Variants in CSTF2 observed in about 807,000 individuals in gnomAD.
CSTF2 encodes the protein CF-1 64 kDa subunit.
A neutral mutation model predicts 45.4 loss-of-function variants in CSTF2; 8 were observed. The ratio of observed to expected loss-of-function variants is 0.18; its 90% CI spans 0.10 to 0.32. CSTF2 has a LOEUF of 0.32. CSTF2 is among the 10% of genes least tolerant of loss of function. The pLI is 1.00. For missense variants in CSTF2, 253 were observed against 477.1 expected (o/e 0.53, Z 4.38); for synonymous variants, 155 against 158.9 (o/e 0.98, Z 0.18).
intron 6 of CSTF2, 132 bp from the exon 7 acceptor site, chrX:100,826,502 C>A: frequency 1.8e-6 from 1 of 551,547 alleles, no homozygotes; most frequent in Non-Finnish European, 2.9e-6. Flanking sequence ...CTGCATAAGA[C>A]ATGCCATACA....
In CSTF2 at chrX:100,834,348, G is replaced by A. The variant is rs910440734; in HGVS notation, c.1500+876G>A. ...ATACATCAATCATCTAATTCCCTCA[G>A]TTTATAGATTTGGAAATTAAGGCCC... On this transcript the variant is annotated intron_variant, in intron 11 of 13. Transcript: ENST00000372972. Among the ~76,000 whole-genome samples the A allele has an allele frequency of 2.7e-5, 3 of 111,537 alleles. No individual in the cohort carries two copies. In the South Asian group the frequency reaches 1.1e-3, roughly 42 times the overall value.
chrX:100,820,401 C>T lies in CSTF2; in HGVS notation c.-16C>T. ...GAAGTGTGCTTTGGCGCACCGGAAG[C>T]CGACTCAACAGAGCTATGGCGGGTT... On this transcript the variant is annotated 5_prime_UTR_variant, in exon 1 of 14. Transcript: ENST00000372972. 8.3e-7 allele frequency: 1 copy of T among 1,210,834 alleles called. No homozygotes were observed.
intron 13 of CSTF2, among the ~76,000 whole-genome samples, chrX:100,838,649 G>A (rs188516894): frequency 1.8e-5 from 2 of 111,803 alleles, no homozygotes; most frequent in East Asian, 5.6e-4. Context: ...AAGGTAAAAA[G>A]CCCTGTTTCC....
At chrX:100,825,178 G>A (rs1157487353) in intron 6 of CSTF2, among the ~76,000 whole-genome samples, 1 of 112,105 alleles carries the variant, frequency 8.9e-6, no homozygotes, top group East Asian at 2.8e-4. Flanking sequence ...CGTCTTAGTG[G>A]TCATCAAAGG....
Position 100,824,229 on chromosome X carries a change from A to ATCCTCAGGC in CSTF2, c.675_683dup (p.Pro229_Ala231dup). The ATCCTCAGGC allele has an allele frequency of 8.3e-7, 1 of 1,211,545 alleles. No individual in the cohort carries two copies. The highest frequency in any genetic ancestry group is 1.1e-6 in the Non-Finnish European group (1 of 895,332). On this transcript the variant is annotated inframe_insertion, in exon 6 of 14. Transcript: ENST00000372972. ...TCCAATGTGTCAATGAACCAGCAGAATCCTCAGGCCCCTCAGGCCCAGTCT... is the reference window on the plus strand; with the variant it reads ...TCCAATGTGTCAATGAACCAGCAGAATCCTCAGGCTCCTCAGGCCCCTCAGGCCCAGTCT...
chrX:100,830,797 T>C, intron 8 of CSTF2: 4 of 1,149,378 alleles, frequency 3.5e-6, no homozygotes, highest in Non-Finnish European at 4.6e-6. Context: ...TTGAACTTAC[T>C]GCTTACCTAG....
Position 100,820,444 on chromosome X carries a change from G to A in CSTF2, c.28G>A (p.Ala10Thr). The A allele has an allele frequency of 6.6e-6, 8 of 1,212,020 alleles. No homozygotes were observed. The highest frequency in any genetic ancestry group is 8.9e-6 in the Non-Finnish European group (8 of 895,393). MAGLTVRDP[A>T]VDRSLRSVFV... ...GGCGGGTTTGACTGTGAGAGACCCA[G>A]CGGTGGATCGTTCTCTACGTTCTGT... is the stretch of plus-strand genomic sequence containing the variant. Residue 10 changes from alanine (A) to threonine (T), a missense_variant, in exon 1 of 14, where the codon GCG becomes ACG. Physicochemically the swap from Ala to Thr is moderately conservative, Grantham distance 58 (BLOSUM62 0). Around this residue, in one of 3 missense-constraint regions of CSTF2, gnomAD observed 45 missense variants for 147.5 expected, o/e 0.31. Transcript: ENST00000372972.
intron 5 of CSTF2, 33 bp downstream of exon 5, chrX:100,824,038 C>T (rs767973457): frequency 1.2e-5 from 15 of 1,207,867 alleles, no homozygotes; most frequent in South Asian, 3.6e-5. Context: ...TGGAAATGGT[C>T]GGGTAAACCT....
chrX:100,828,216 T>C, intron 8 of CSTF2, 114 bp downstream of exon 8: 1 of 548,069 alleles, frequency 1.8e-6, no homozygotes, highest in East Asian at 4.1e-5. Context: ...ATTAAGTTAA[T>C]TAAAATTAAG....
Position 100,831,613 on chromosome X carries a change from C to T in CSTF2, c.988C>T (p.Arg330Trp). 1 of 1,210,936 alleles carries T rather than the reference C, an allele frequency of 8.3e-7. No homozygotes were observed. Among genetic ancestry groups the T allele is most frequent in the Non-Finnish European group, 1.1e-6 (1 of 894,887 alleles). The stretch of plus-strand genomic sequence containing the variant: ...GTTAGGAGATGCTCCGAATGATCCA[C>T]GGGGAGGCACTTTACTTTCTGTAAC... ...GLLGDAPNDP[R>W]GGTLLSVTGE... The change falls in exon 9 of 14, where the codon CGG (arginine) becomes TGG (tryptophan). Residue 330 changes from arginine to tryptophan, a missense_variant. By Grantham distance (101) the Arg-to-Trp change is moderately radical (BLOSUM62 -3). This residue lies in a region of CSTF2 where 200 missense variants were observed against 294.0 expected (regional missense o/e 0.68). Transcript: ENST00000372972.
chrX:100,827,602 A>T (rs2084952114), intron 7 of CSTF2, among the ~76,000 whole-genome samples: 1 of 112,356 alleles, frequency 8.9e-6, no homozygotes, highest in Admixed American at 9.4e-5. Context: ...AGCTAAGTTG[A>T]TGAGGAATGG....
intron 13 of CSTF2, among the ~76,000 whole-genome samples, chrX:100,839,428 TA>T (rs1175045267): frequency 1.8e-5 from 2 of 111,404 alleles, no homozygotes; most frequent in Non-Finnish European, 3.8e-5. Context: ...CACTATCAGG[TA>T]GGACAGCACA....
intron 3 of CSTF2, 70 bp downstream of exon 3, chrX:100,822,490 G>T: frequency 9.3e-7 from 1 of 1,080,959 alleles, no homozygotes. Context: ...TTCCATTTCT[G>T]ATATGTTTTA....
chrX:100,836,439 T>C (rs1263510758), intron 11 of CSTF2, among the ~76,000 whole-genome samples: 2 of 112,035 alleles, frequency 1.8e-5, no homozygotes, highest in Non-Finnish European at 3.8e-5. Context: ...TCCTAACAGT[T>C]ATTTATCCGT....
chrX:100,826,686 G>T lies in CSTF2; in HGVS notation c.755G>T (p.Gly252Val). The change falls in exon 7 of 14, where the codon GGT becomes GTT. Residue 252 changes from glycine to valine, a missense_variant. Physicochemically the swap from Gly to Val is moderately radical, Grantham distance 109. Around this residue, in one of 3 missense-constraint regions of CSTF2, gnomAD observed 200 missense variants for 294.0 expected, o/e 0.68. Coordinates refer to ENST00000372972, the MANE Select transcript of CSTF2 (RefSeq NM_001325.3). ...CCTCTGATGCAAGCTTCTATGCAGG[G>T]TGGAGTTCCAGCACCAGGGCAAATG... ...APPLMQASMQ[G>V]GVPAPGQMPA... 8.3e-7 allele frequency: 1 copy of T among 1,210,367 alleles called. No homozygotes were observed. The highest frequency in any genetic ancestry group is 1.1e-6 in the Non-Finnish European group (1 of 894,602).
At position 100,823,901 on chromosome X, in the gene CSTF2, A is replaced by C; in HGVS notation, c.460A>C (p.Ser154Arg). ...ATCTTCTCAGCTCTGTGTCCAGAAT[A>C]GTCCCCAGGAGGCACGGAACATGTT... ...MKQMKLCVQN[S>R]PQEARNMLLQ... The change falls in exon 5 of 14, where the codon AGT becomes CGT. Residue 154 changes from serine (S) to arginine (R), a missense_variant. By Grantham distance (110) the Ser-to-Arg change is moderately radical (BLOSUM62 -1). Around this residue, in one of 3 missense-constraint regions of CSTF2, gnomAD observed 45 missense variants for 147.5 expected, o/e 0.31. Coordinates refer to ENST00000372972, the MANE Select transcript of CSTF2 (RefSeq NM_001325.3). 1 of 1,211,019 alleles carries C rather than the reference A, an allele frequency of 8.3e-7. No homozygotes were observed. The highest frequency in any genetic ancestry group is 1.1e-6 in the Non-Finnish European group (1 of 894,751).
intron 6 of CSTF2, among the ~76,000 whole-genome samples, chrX:100,825,799 C>T (rs907046080): frequency 9.0e-6 from 1 of 110,674 alleles, no homozygotes; most frequent in Non-Finnish European, 1.9e-5. Flanking sequence ...AATACATTTT[C>T]AGAGATAGAA....
intron 1 of CSTF2, 66 bp downstream of exon 1, chrX:100,820,540 A>G: frequency 9.1e-7 from 1 of 1,103,204 alleles, no homozygotes. Context: ...TATCTCATGA[A>G]TCGCTACCGG....
intron 12 of CSTF2, 55 bp downstream of exon 12, chrX:100,837,504 C>T (rs968420104): frequency 7.2e-6 from 6 of 831,617 alleles, no homozygotes; most frequent in Non-Finnish European, 1.1e-5. Context: ...TTTTTGATTC[C>T]TCTTTTCACA....
Sources: allele counts gnomAD v4.1 joint callset (sites outside exome capture counted in the v4.1 genomes callset), GRCh38; gene constraint gnomAD v4.1.1; regional missense constraint gnomAD v4.1.1; transcripts MANE v1.5; gene names NCBI Gene and HGNC (gene_info 2026-07-23, HGNC 2026-07-21).